Variants in BRD4 observed in about 807,000 individuals in gnomAD.
The protein encoded by BRD4 is bromodomain containing 4.
A neutral mutation model predicts 142.1 loss-of-function variants in BRD4; 16 were observed. The ratio of observed to expected loss-of-function variants is 0.11; its 90% CI spans 0.08 to 0.17. BRD4 has a LOEUF of 0.17. BRD4 is among the 10% of genes least tolerant of loss of function. The pLI, the probability that BRD4 is intolerant of heterozygous loss-of-function variation, is 1.00. For missense variants in BRD4, 1,424 were observed against 1,810.9 expected (o/e 0.79, Z 3.88); for synonymous variants, 833 against 707.5 (o/e 1.18, Z -2.82).
chr19:15,328,934 C>G (rs1031373551), intron 1 of BRD4, among the ~76,000 whole-genome samples: 1 of 152,156 alleles, frequency 6.6e-6, no homozygotes, highest in Non-Finnish European at 1.5e-5. Flanking sequence ...CCACTATGCC[C>G]GGCTAATTTT....
intron 1 of BRD4, among the ~76,000 whole-genome samples, chr19:15,321,047 A>C (rs1405766510): frequency 6.6e-6 from 1 of 152,192 alleles, no homozygotes; most frequent in South Asian, 2.1e-4. Context: ...CAGCCTGGCC[A>C]ACGGGGTGAA....
At position 15,254,148 on chromosome 19, in the gene BRD4, T is replaced by C. The variant is rs372313207; in HGVS notation, c.2158+4A>G. 14 of 1,612,812 alleles carry C rather than the reference T, an allele frequency of 8.7e-6. No homozygotes were observed. Among genetic ancestry groups the C allele is most frequent in the Non-Finnish European group, 1.1e-5 (13 of 1,178,880 alleles). ...TAAGACACGTAGAACACAAGTCACC[T>C]AACCTGTTTCGGAGTCTTCGCTGTC... On this transcript the variant is annotated splice_donor_region_variant and intron_variant, in intron 11 of 19. Coordinates refer to ENST00000679869, the MANE Select transcript of BRD4 (RefSeq NM_001379291.1).
chr19:15,281,347 G>T (rs2047702734), intron 1 of BRD4, among the ~76,000 whole-genome samples: 1 of 152,218 alleles, frequency 6.6e-6, no homozygotes, highest in South Asian at 2.1e-4. Flanking sequence ...TTGCTGCTAG[G>T]GGAGAGTGTG....
chr19:15,279,796 T>C (rs2047687488), intron 1 of BRD4, among the ~76,000 whole-genome samples: 1 of 152,180 alleles, frequency 6.6e-6, no homozygotes, highest in Non-Finnish European at 1.5e-5. Context: ...AGCTATACTT[T>C]GTATTTGCAG....
rs143087504 is a variant in BRD4, at chr19:15,303,532, T to C, written c.-35+28758A>G. Among the ~76,000 whole-genome samples the C allele has an allele frequency of 4.7e-3, 716 of 152,320 alleles. 2 individuals carry two copies. Among genetic ancestry groups the C allele is most frequent in the Admixed American group, 9.3e-3 (143 of 15,296 alleles). ...CTTAAACAGGACAATTCAGCCTATCTACTGAGATCATCTTATCAAAAGGAG... is the reference window on the plus strand; with the variant it reads ...CTTAAACAGGACAATTCAGCCTATCCACTGAGATCATCTTATCAAAAGGAG... On this transcript the variant is annotated intron_variant, in intron 1 of 19. Transcript: ENST00000679869.
At position 15,255,539 on chromosome 19, in the gene BRD4, T is replaced by C. The variant is rs2047398481; in HGVS notation, c.1805A>G (p.Glu602Gly). Residue 602 changes from glutamate (E) to glycine (G), a missense_variant, in exon 10 of 20, where the codon GAG (glutamate) becomes GGG (glycine). Physicochemically the swap from Glu to Gly is moderately conservative, Grantham distance 98 (BLOSUM62 -2). Coordinates refer to ENST00000679869, the MANE Select transcript of BRD4 (RefSeq NM_001379291.1). ...KSKPPPTYES[E>G]EEDKCKPMSY... is the part of the protein sequence containing the mutation. ...CATAGGCTTGCACTTGTCCTCTTCC[T>C]CCGACTCATACGTGGGAGGGGGCTT... is the stretch of plus-strand genomic sequence containing the variant. The C allele has an allele frequency of 1.2e-6, 2 of 1,612,512 alleles. No homozygotes were observed. The highest frequency in any genetic ancestry group is 1.1e-5 in the South Asian group (1 of 91,074).
intron 13 of BRD4, among the ~76,000 whole-genome samples, 186 bp from the exon 14 acceptor site, chr19:15,243,673 G>A (rs1057290256): frequency 6.6e-6 from 1 of 152,170 alleles, no homozygotes; most frequent in East Asian, 1.9e-4. Context: ...TCCAGAGAGA[G>A]CTTTAGGGCG....
chr19:15,287,402 TTTTAA>T (rs2047748298), intron 1 of BRD4, among the ~76,000 whole-genome samples: 1 of 152,154 alleles, frequency 6.6e-6, no homozygotes, highest in African/African-American at 2.4e-5. Flanking sequence ...CTCCAGAACT[TTTTAA>T]TTTATGTATT....
At position 15,243,344 on chromosome 19, in the gene BRD4, G is replaced by T; in HGVS notation, c.2725C>A (p.Pro909Thr). 5 of 1,442,010 alleles carry T rather than the reference G, an allele frequency of 3.5e-6. No individual in the cohort carries two copies. The highest frequency in any genetic ancestry group is 4.6e-6 in the Non-Finnish European group (5 of 1,091,658). The allele number at this position is 1,442,010 out of a possible 1,614,324, so 89.3% of individuals were successfully genotyped here. ...TCTTCATCCTCCAGCAGCACTTGGGGGGGTTGGGCCATGGGGGGCTGTGGG... is the reference window on the plus strand; with the variant it reads ...TCTTCATCCTCCAGCAGCACTTGGGTGGGTTGGGCCATGGGGGGCTGTGGG... ...LLPQPPMAQP[P>T]QVLLEDEEPP... Residue 909 changes from proline to threonine, a missense_variant, in exon 14 of 20, where the codon CCC becomes ACC. By Grantham distance (38) the Pro-to-Thr change is conservative. Transcript: ENST00000679869.
chr19:15,300,569 C>A (rs1033808791), intron 1 of BRD4, among the ~76,000 whole-genome samples: 1 of 151,024 alleles, frequency 6.6e-6, no homozygotes. Flanking sequence ...AAAACAAAAA[C>A]AAAAAATCAA....
chr19:15,278,543 CAAAAAA>C (rs1235423521), intron 1 of BRD4, among the ~76,000 whole-genome samples: 1 of 74,888 alleles, frequency 1.3e-5, no homozygotes, highest in Non-Finnish European at 2.4e-5. Context: ...CAACCCCCGC[CAAAAAA>C]AAAAAAAAAA....
rs1037513409 is a variant in BRD4 at position 15,238,515 on chromosome 19, C to T, written c.4021-70G>A. 22 of 1,609,194 alleles carry T rather than the reference C, an allele frequency of 1.4e-5. No individual in the cohort carries two copies. The highest frequency in any genetic ancestry group is 6.7e-5 in the Admixed American group (4 of 59,716). On this transcript the variant is annotated intron_variant, in intron 19 of 19. Coordinates refer to ENST00000679869, the MANE Select transcript of BRD4 (RefSeq NM_001379291.1). The surrounding 1 kb of genome is among the most constrained non-coding windows in gnomAD (Gnocchi z 7.2). The stretch of plus-strand genomic sequence containing the variant: ...CCCTGCAGCTACAAGCCCTCATACC[C>T]GCTACCAGCAGTCAGCCCCGTAGCC...
chr19:15,319,394 G>T (rs898964799), intron 1 of BRD4, among the ~76,000 whole-genome samples: 2 of 152,138 alleles, frequency 1.3e-5, no homozygotes, highest in Non-Finnish European at 2.9e-5. Context: ...AGGCCAGGAG[G>T]CCGATGCTAC....
At chr19:15,251,741 G>A (rs1297655598) in intron 11 of BRD4, among the ~76,000 whole-genome samples, 2 of 152,262 alleles carry the variant, frequency 1.3e-5, no homozygotes, top group African/African-American at 2.4e-5. Flanking sequence ...CGAAACCCTC[G>A]CAGCGGCCCC....
At chr19:15,257,634 C>T (rs1035509884) in intron 7 of BRD4, among the ~76,000 whole-genome samples, 4 of 151,986 alleles carry the variant, frequency 2.6e-5, no homozygotes, top group Admixed American at 2.6e-4. Context: ...CAGAGGTCCC[C>T]GGTGGGAATG....
intron 1 of BRD4, among the ~76,000 whole-genome samples, chr19:15,308,313 G>T (rs2047935222): frequency 6.7e-6 from 1 of 150,260 alleles, no homozygotes; most frequent in Non-Finnish European, 1.5e-5. Context: ...GGTTGGCTGG[G>T]CGCGGTGGCT....
chr19:15,238,653 CCCCT>C lies in BRD4; in HGVS notation c.4020+86_4020+89del. On this transcript the variant is annotated intron_variant, in intron 19 of 19. Coordinates refer to ENST00000679869, the MANE Select transcript of BRD4 (RefSeq NM_001379291.1). This position sits in a 1 kb window ranked among gnomAD's most constrained non-coding sequence, Gnocchi z 7.2. The stretch of plus-strand genomic sequence containing the variant: ...CAGCAGGGACGGGGCTCCCCCGCTG[CCCCT>C]CCCTGTCCAGGCTCCAGTCCCCCTT... 1 of 1,457,086 alleles carries C rather than the reference CCCCT, an allele frequency of 6.9e-7. No homozygotes were observed. The allele number at this position is 1,457,086 out of a possible 1,614,324, so 90.3% of individuals were successfully genotyped here.
chr19:15,297,963 A>G (rs568508993), intron 1 of BRD4, among the ~76,000 whole-genome samples: 129 of 152,328 alleles, frequency 8.5e-4, no homozygotes, highest in African/African-American at 3.1e-3. Flanking sequence ...AAAGAAAAGG[A>G]AGCATTACAG....
chr19:15,315,444 C>T (rs936101214), intron 1 of BRD4, among the ~76,000 whole-genome samples: 6 of 152,050 alleles, frequency 3.9e-5, no homozygotes, highest in Non-Finnish European at 8.8e-5. Flanking sequence ...GGATGTTGAC[C>T]GAGTTCCACT....
Sources: allele counts gnomAD v4.1 joint callset (sites outside exome capture counted in the v4.1 genomes callset), GRCh38; gene constraint gnomAD v4.1.1; non-coding constraint Gnocchi (gnomAD v3.1); transcripts MANE v1.5; gene names NCBI Gene and HGNC (gene_info 2026-07-23, HGNC 2026-07-21).